LEKR1: variants seen among roughly 807,000 people sequenced by gnomAD.
LEKR1 encodes protein LEKR1.
LEKR1 carries 59 observed loss-of-function variants against 72.4 expected under a neutral mutation model. The ratio of observed to expected loss-of-function variants is 0.82; its 90% CI spans 0.66 to 1.01. The LOEUF (loss-of-function observed/expected upper bound fraction) is 1.01. Among genes scored for constraint, LEKR1 ranks in the 50% least tolerant of loss-of-function variants. The pLI, the probability that LEKR1 is intolerant of heterozygous loss-of-function variation, is 0.00. For missense variants in LEKR1, 728 were observed against 759.2 expected (o/e 0.96, Z 0.48); for synonymous variants, 257 against 263.2 (o/e 0.98, Z 0.23).
At chr3:156,925,749 AAATT>A (rs1177637690) in intron 4 of LEKR1, among the ~76,000 whole-genome samples, 3 of 152,020 alleles carry the variant, frequency 2.0e-5, no homozygotes, top group Non-Finnish European at 4.4e-5. Context: ...CTTTTTAAAA[AAATT>A]AATTATTAAT....
intron 10 of LEKR1, among the ~76,000 whole-genome samples, chr3:157,020,706 CTT>C (rs1733764164): frequency 2.0e-5 from 3 of 151,926 alleles, no homozygotes; most frequent in African/African-American, 7.3e-5. Flanking sequence ...GGTTCCATGT[CTT>C]TGCTATTGTG....
chr3:156,931,395 A>G (rs1725210532), intron 5 of LEKR1, among the ~76,000 whole-genome samples: 3 of 152,164 alleles, frequency 2.0e-5, no homozygotes, highest in Admixed American at 2.0e-4. Context: ...CAAATTGGTG[A>G]GAATGTAAAT....
intron 3 of LEKR1, among the ~76,000 whole-genome samples, chr3:156,908,349 G>T (rs1722734238): frequency 6.6e-6 from 1 of 151,908 alleles, no homozygotes; most frequent in Admixed American, 6.6e-5. Context: ...CAGTTTTAAT[G>T]GTGATTTTCT....
chr3:156,893,992 G>A (rs1720933557), intron 3 of LEKR1, among the ~76,000 whole-genome samples: 1 of 152,204 alleles, frequency 6.6e-6, no homozygotes, highest in Non-Finnish European at 1.5e-5. Flanking sequence ...TGAACTTAGA[G>A]GCTGAAGTGA....
chr3:156,845,262 A>C (rs1221720637), intron 2 of LEKR1, among the ~76,000 whole-genome samples: 1 of 151,892 alleles, frequency 6.6e-6, no homozygotes, highest in Non-Finnish European at 1.5e-5. Flanking sequence ...GTGGTTTTCA[A>C]ATATTTTCTC....
chr3:156,907,632 C>T (rs1722656234), intron 3 of LEKR1, among the ~76,000 whole-genome samples: 1 of 151,966 alleles, frequency 6.6e-6, no homozygotes, highest in African/African-American at 2.4e-5. Flanking sequence ...ATTGTACGTG[C>T]CCAAGTCATT....
chr3:156,863,392 A>G (rs1327658467), intron 3 of LEKR1, among the ~76,000 whole-genome samples: 2 of 151,942 alleles, frequency 1.3e-5, no homozygotes, highest in African/African-American at 4.8e-5. Context: ...CTTGACCCTC[A>G]TCCCTCCACC....
intron 12 of LEKR1, among the ~76,000 whole-genome samples, chr3:157,029,300 AAT>A (rs1006009232): frequency 5.3e-5 from 8 of 152,174 alleles, no homozygotes; most frequent in Admixed American, 5.2e-4. Flanking sequence ...AGAAGTTATA[AAT>A]ATAAGATAAA....
intron 3 of LEKR1, among the ~76,000 whole-genome samples, chr3:156,898,857 T>G (rs572252833): frequency 6.6e-6 from 1 of 152,276 alleles, no homozygotes; most frequent in East Asian, 1.9e-4. Context: ...TGGGATGAAG[T>G]TCTTTTATCT....
At chr3:157,021,892 G>T (rs536118373) in intron 10 of LEKR1, among the ~76,000 whole-genome samples, 1 of 151,872 alleles carries the variant, frequency 6.6e-6, no homozygotes, top group Non-Finnish European at 1.5e-5. Flanking sequence ...AATTAATAAT[G>T]GAATGTTATT....
At chr3:156,850,441 A>G (rs982459743) in intron 2 of LEKR1, among the ~76,000 whole-genome samples, 61 of 152,164 alleles carry the variant, frequency 4.0e-4, no homozygotes, top group Middle Eastern at 3.4e-3. Context: ...GGAAGCCACA[A>G]CTCAAGAGGG....
At chr3:156,870,053 T>C (rs903228650) in intron 3 of LEKR1, among the ~76,000 whole-genome samples, 55 of 152,198 alleles carry the variant, frequency 3.6e-4, no homozygotes, top group African/African-American at 1.3e-3. Flanking sequence ...TATGCTGTTC[T>C]CTTGGTCTAT....
chr3:157,028,135 T>A lies in LEKR1; in HGVS notation c.1401T>A (p.Asp467Glu). ...ISDLITGATR[D>E]LRQEVTTLKE... ...ACTTAATCACAGGCGCTACAAGAGA[T>A]CTAAGGCAGGAAGTGACCACTCTTA... Residue 467 changes from aspartate (D) to glutamate (E), a missense_variant, in exon 12 of 13, where the codon GAT becomes GAA. Physicochemically the swap from Asp to Glu is conservative, Grantham distance 45. Coordinates refer to ENST00000356539, the MANE Select transcript of LEKR1 (RefSeq NM_001004316.3). The A allele has an allele frequency of 1.2e-6, 2 of 1,602,648 alleles. No individual in the cohort carries two copies. Among genetic ancestry groups the A allele is most frequent in the Non-Finnish European group, 1.7e-6 (2 of 1,174,316 alleles).
chr3:156,921,874 A>G (rs1183789647), intron 4 of LEKR1, among the ~76,000 whole-genome samples: 1 of 152,168 alleles, frequency 6.6e-6, no homozygotes, highest in Non-Finnish European at 1.5e-5. Flanking sequence ...TTTGCATGTT[A>G]TCTTCAGTAT....
intron 9 of LEKR1, among the ~76,000 whole-genome samples, chr3:157,009,811 A>G (rs1393170772): frequency 6.6e-6 from 1 of 152,058 alleles, no homozygotes; most frequent in Non-Finnish European, 1.5e-5. Flanking sequence ...TTTGCTTTAT[A>G]TATTTTGAGG....
chr3:157,043,144 C>A (rs1001085630), intron 12 of LEKR1, among the ~76,000 whole-genome samples: 4 of 152,202 alleles, frequency 2.6e-5, no homozygotes. Context: ...TATCCCTTTG[C>A]CTTCCACCAT....
At chr3:156,976,824 T>C (rs941062500) in intron 6 of LEKR1, among the ~76,000 whole-genome samples, 2 of 152,240 alleles carry the variant, frequency 1.3e-5, no homozygotes, top group African/African-American at 4.8e-5. Flanking sequence ...GTGACCTTGA[T>C]AAGTTAATTA....
chr3:156,905,347 CAGTA>C (rs1560069206), intron 3 of LEKR1, among the ~76,000 whole-genome samples: 1 of 151,990 alleles, frequency 6.6e-6, no homozygotes, highest in Non-Finnish European at 1.5e-5. Flanking sequence ...ACTATCCTAA[CAGTA>C]AGGGTATATT....
intron 3 of LEKR1, among the ~76,000 whole-genome samples, chr3:156,895,377 G>A (rs1484646492): frequency 6.6e-6 from 1 of 152,162 alleles, no homozygotes; most frequent in African/African-American, 2.4e-5. Context: ...ATTTTGGGAG[G>A]CCAAGGTGGG....
Sources: gnomAD v4.1 joint callset for allele counts (sites outside exome capture counted in the v4.1 genomes callset) on GRCh38, gnomAD v4.1.1 for gene constraint, MANE v1.5 for transcripts, NCBI Gene and HGNC (gene_info 2026-07-23, HGNC 2026-07-21) for gene names.